The following HLCS variants were observed in gnomAD, a reference collection of about 807,000 sequenced individuals.
HLCS encodes the protein holocarboxylase synthetase.
In HLCS, 53 loss-of-function variants were observed where a neutral mutation model predicts 75.0. The ratio of observed to expected loss-of-function variants is 0.71; its 90% confidence interval spans 0.57 to 0.89. The LOEUF (loss-of-function observed/expected upper bound fraction) is 0.89, where lower values mean the gene tolerates loss of function less well. Among genes scored for constraint, HLCS ranks in the 40% least tolerant of loss-of-function variants. The pLI, the probability that HLCS is intolerant of heterozygous loss-of-function variation, is 0.00. For missense variants in HLCS, 966 were observed against 1,074.0 expected, an observed-to-expected ratio of 0.90 and a Z score of 1.41; for synonymous variants, 431 against 428.6, an observed-to-expected ratio of 1.01 and a Z score of -0.07.
In HLCS at chr21:36,765,185, C is replaced by T; in HGVS notation, c.1961-13G>A. The T allele has an allele frequency of 6.2e-7, 1 of 1,614,126 alleles. No homozygotes were observed. Among genetic ancestry groups the T allele is most frequent in the Non-Finnish European group, 8.5e-7 (1 of 1,179,938 alleles). ...TTCCCTCCCCGTCCTGGAACACAGG[C>T]CACAGTGGGAAACATGCTACCTTGC... On this transcript the variant is annotated splice_polypyrimidine_tract_variant and intron_variant, in intron 7 of 10. Transcript: ENST00000674895.
At chr21:36,780,289 C>G (rs1305073472) in intron 6 of HLCS, among the ~76,000 whole-genome samples, 2 of 152,112 alleles carry the variant, frequency 1.3e-5, no homozygotes, top group Non-Finnish European at 2.9e-5. Flanking sequence ...GTTGCCCAGG[C>G]TGGAGTGCAG....
At chr21:36,869,244 C>A (rs1228852426) in intron 6 of HLCS, among the ~76,000 whole-genome samples, 2 of 152,142 alleles carry the variant, frequency 1.3e-5, no homozygotes, top group East Asian at 3.8e-4. Flanking sequence ...CCCGCCTCAG[C>A]CTCCGGAGTA....
chr21:36,947,233 G>T, intron 2 of HLCS: 1 of 488,430 alleles, frequency 2.0e-6, no homozygotes, highest in Non-Finnish European at 2.7e-6. Flanking sequence ...GAGGAATGAG[G>T]CAGGAGATAA....
intron 6 of HLCS, among the ~76,000 whole-genome samples, chr21:36,877,052 G>A (rs567429767): frequency 1.3e-5 from 2 of 152,222 alleles, no homozygotes; most frequent in Non-Finnish European, 2.9e-5. Flanking sequence ...TTTGTCTGCT[G>A]CTTAAAAAGT....
intron 9 of HLCS, among the ~76,000 whole-genome samples, chr21:36,757,640 C>A (rs987728710): frequency 4.6e-5 from 7 of 152,186 alleles, no homozygotes; most frequent in African/African-American, 1.7e-4. Flanking sequence ...GTAACAACAG[C>A]CTTCCCGGCA....
chr21:36,907,406 A>G (rs773213120), intron 5 of HLCS, among the ~76,000 whole-genome samples: 2 of 152,214 alleles, frequency 1.3e-5, no homozygotes, highest in Non-Finnish European at 2.9e-5. Context: ...CTGTAATCCC[A>G]GAACTTTGGG....
intron 6 of HLCS, among the ~76,000 whole-genome samples, chr21:36,796,689 A>G (rs887456116): frequency 2.0e-5 from 3 of 152,262 alleles, no homozygotes; most frequent in African/African-American, 4.8e-5. Context: ...AAGAAAAACT[A>G]CTTTCAATGT....
chr21:36,954,489 G>A (rs931694842), intron 2 of HLCS, among the ~76,000 whole-genome samples: 9 of 151,446 alleles, frequency 5.9e-5, no homozygotes, highest in Admixed American at 2.0e-4. Context: ...GGTGGCGGGC[G>A]CCTGTAGTCC....
intron 6 of HLCS, among the ~76,000 whole-genome samples, chr21:36,869,676 T>A (rs2063705041): frequency 6.6e-6 from 1 of 152,210 alleles, no homozygotes; most frequent in South Asian, 2.1e-4. Context: ...CCAGACTTGC[T>A]TAGTACAATT....
chr21:36,856,875 C>CCA (rs148359446), intron 6 of HLCS, among the ~76,000 whole-genome samples: 58 of 151,694 alleles, frequency 3.8e-4, no homozygotes, highest in Non-Finnish European at 6.3e-4. Context: ...GCACGTAAAA[C>CCA]CACACACACA....
chr21:36,942,017 T>C lies in HLCS; in HGVS notation c.331-3023A>G, dbSNP rs558795471. ...AGCGAAACTGTCTCAAAAAAAAAAA[T>C]ACAAAATTTAGCTAGGTGGGAGCAG... On this transcript the variant is annotated intron_variant, in intron 2 of 10. Coordinates refer to ENST00000674895, the MANE Select transcript of HLCS (RefSeq NM_001352514.2). 9.8e-5 allele frequency among the ~76,000 whole-genome samples: 14 copies of C among 142,672 alleles called. No homozygotes were observed. The South Asian group carries it at 2.5e-3, about 25-fold the overall frequency. 93.6% of individuals were successfully genotyped at this position (142,672 alleles called of 152,430 possible). A position where few individuals can be genotyped will look rare whatever the true frequency, so the allele number is the denominator to read the frequency against.
At chr21:36,784,858 C>G (rs553041057) in intron 6 of HLCS, among the ~76,000 whole-genome samples, 1 of 152,048 alleles carries the variant, frequency 6.6e-6, no homozygotes, top group Non-Finnish European at 1.5e-5. Flanking sequence ...CAGCTCTGTA[C>G]GTATTCTGCT....
At chr21:36,966,029 G>T (rs28690635) in intron 1 of HLCS, among the ~76,000 whole-genome samples, 62,094 of 152,046 alleles carry the variant, frequency 0.41, 13,431 homozygotes, top group South Asian at 0.53. Context: ...CAGAGTGCAG[G>T]GATTACAGGC....
intron 6 of HLCS, among the ~76,000 whole-genome samples, chr21:36,850,549 C>G (rs538809939): frequency 5.3e-5 from 8 of 152,366 alleles, no homozygotes; most frequent in Admixed American, 1.3e-4. Flanking sequence ...AGCCCCAATT[C>G]AGCAGGGTGA....
rs570843742 is a variant in HLCS, at chr21:36,756,002, A to G, written c.2450+540T>C. The stretch of plus-strand genomic sequence containing the variant: ...CTCTCTCACTATTTCGGTTCTTCCC[A>G]TCGCATCCCACCAGGAGGCATAAGA... On this transcript the variant is annotated intron_variant, in intron 10 of 10. Coordinates refer to ENST00000674895, the MANE Select transcript of HLCS (RefSeq NM_001352514.2). Among the ~76,000 whole-genome samples, 10 of 152,332 alleles carry G rather than the reference A, an allele frequency of 6.6e-5. No individual in the cohort carries two copies. The East Asian group carries it at 1.5e-3, about 23-fold the overall frequency.
At chr21:36,934,515 C>T (rs942981241) in intron 4 of HLCS, among the ~76,000 whole-genome samples, 2 of 152,170 alleles carry the variant, frequency 1.3e-5, no homozygotes, top group African/African-American at 4.8e-5. Flanking sequence ...AATTCCTGGT[C>T]CATTTGACAG....
At chr21:36,932,937 G>A (rs575195407) in intron 4 of HLCS, among the ~76,000 whole-genome samples, 1 of 152,244 alleles carries the variant, frequency 6.6e-6, no homozygotes, top group African/African-American at 2.4e-5. Context: ...GGACAACATG[G>A]TGAAACCCCA....
chr21:36,864,529 T>C (rs2063491537), intron 6 of HLCS, among the ~76,000 whole-genome samples: 1 of 152,234 alleles, frequency 6.6e-6, no homozygotes, highest in African/African-American at 2.4e-5. Context: ...CTCTGTTTTA[T>C]CTACAATAAA....
intron 6 of HLCS, among the ~76,000 whole-genome samples, chr21:36,768,960 G>A (rs2090138063): frequency 6.6e-6 from 1 of 152,166 alleles, no homozygotes; most frequent in Non-Finnish European, 1.5e-5. Context: ...GAGGTGATGG[G>A]GCAGGGGCCG....
Sources: allele counts gnomAD v4.1 joint callset (sites outside exome capture counted in the v4.1 genomes callset), GRCh38; gene constraint gnomAD v4.1.1; transcripts MANE v1.5; gene names NCBI Gene and HGNC (gene_info 2026-07-23, HGNC 2026-07-21).